The following LOXHD1 variants were observed in gnomAD, a reference collection of about 807,000 sequenced individuals.
LOXHD1 encodes the protein lipoxygenase homology PLAT domains 1.
Under a neutral mutation model 248.2 loss-of-function variants are expected in LOXHD1, and 205 were observed. The observed-to-expected ratio is 0.83, with a 90% CI of 0.74 to 0.93. LOXHD1 has a LOEUF of 0.93. LOXHD1 is among the 40% of genes least tolerant of loss of function. LOXHD1 has a pLI of 0.00. For missense variants in LOXHD1, 2,930 were observed against 2,971.6 expected, an observed-to-expected ratio of 0.99 and a Z score of 0.33; for synonymous variants, 1,113 against 1,162.8, an observed-to-expected ratio of 0.96 and a Z score of 0.87.
chr18:46,573,690 G>A (rs965871010), intron 14 of LOXHD1, among the ~76,000 whole-genome samples: 10 of 152,022 alleles, frequency 6.6e-5, no homozygotes, highest in Non-Finnish European at 1.5e-4. Flanking sequence ...TCTCCCCAAG[G>A]CTGACGGAGG....
intron 21 of LOXHD1, among the ~76,000 whole-genome samples, chr18:46,553,537 C>T (rs1218659537): frequency 1.3e-5 from 2 of 152,194 alleles, no homozygotes; most frequent in Non-Finnish European, 2.9e-5. Flanking sequence ...ATGAATAAAT[C>T]AACATATTAA....
intron 29 of LOXHD1, 23 bp downstream of exon 29, chr18:46,529,154 T>A: frequency 6.4e-7 from 1 of 1,550,434 alleles, no homozygotes; most frequent in Non-Finnish European, 8.7e-7. Flanking sequence ...GGAAGGAGGG[T>A]AAACTCCGTG....
intron 37 of LOXHD1, 83 bp downstream of exon 37, chr18:46,505,755 A>T (rs946243024): frequency 2.8e-6 from 4 of 1,426,860 alleles, no homozygotes; most frequent in Non-Finnish European, 3.8e-6. Context: ...ATCAGAGTCA[A>T]TGTGCTGCCA....
intron 38 of LOXHD1, 113 bp downstream of exon 38, chr18:46,488,859 C>G (rs2033256439): frequency 9.5e-6 from 11 of 1,153,616 alleles, no homozygotes; most frequent in Non-Finnish European, 1.2e-5. Context: ...TCATGCATAT[C>G]TCCATATTAT....
intron 12 of LOXHD1, among the ~76,000 whole-genome samples, chr18:46,582,961 A>G (rs1160513135): frequency 6.6e-6 from 1 of 152,170 alleles, no homozygotes; most frequent in African/African-American, 2.4e-5. Flanking sequence ...CTGGCCTATA[A>G]ATGAGGCAAA....
rs369297699 is a variant in LOXHD1 at position 46,577,716 on chromosome 18, G to A, written c.1961C>T (p.Pro654Leu). The A allele has an allele frequency of 2.6e-4, 403 of 1,551,040 alleles. 2 individuals carry two copies. The African/African-American group carries it at 4.0e-3, about 15-fold the overall frequency. The part of the protein sequence containing the change: ...GQPESDNVEF[P>L]CLRWLDKDKD... ...GGCAGGACGCATGTACCTGAGACAT[G>A]GGAACTCCACGTTGTCGCTCTCAGG... Residue 654 changes from proline (P) to leucine (L), a missense_variant, in exon 14 of 41, where the codon CCA becomes CTA. Physicochemically the swap from Pro to Leu is moderately conservative, Grantham distance 98. Transcript: ENST00000642948.
Position 46,579,658 on chromosome 18 carries a change from T to C in LOXHD1, c.1781A>G (p.Asn594Ser). Residue 594 changes from asparagine (N) to serine (S), a missense_variant, in exon 13 of 41, where the codon AAT becomes AGT. Coordinates refer to ENST00000642948, the MANE Select transcript of LOXHD1 (RefSeq NM_001384474.1). ...GCCCTTTTCAAACAGGTCTGTGTTA[T>C]TCCTGCAGTTGTAGAGCAGCCGTTC... ...TGERLLYNCR[N>S]NTDLFEKGNA... 6.4e-7 allele frequency: 1 copy of C among 1,551,732 alleles called. No individual in the cohort carries two copies. The highest frequency in any genetic ancestry group is 8.7e-7 in the Non-Finnish European group (1 of 1,147,004).
At chr18:46,507,967 A>G (rs1031315835) in intron 35 of LOXHD1, among the ~76,000 whole-genome samples, 3 of 152,200 alleles carry the variant, frequency 2.0e-5, no homozygotes, top group African/African-American at 7.2e-5. Context: ...CAATTCACCT[A>G]AAGCTGTGTC....
At chr18:46,574,713 C>T (rs978183989) in intron 14 of LOXHD1, among the ~76,000 whole-genome samples, 1 of 152,010 alleles carries the variant, frequency 6.6e-6, no homozygotes, top group Non-Finnish European at 1.5e-5. Context: ...GCCCAGCCAT[C>T]AGCATCATCA....
chr18:46,530,551 G>T (rs1304047816), intron 28 of LOXHD1, among the ~76,000 whole-genome samples: 1 of 152,164 alleles, frequency 6.6e-6, no homozygotes, highest in Non-Finnish European at 1.5e-5. Flanking sequence ...GGCCTCTACT[G>T]TGAGCCTCAG....
intron 13 of LOXHD1, among the ~76,000 whole-genome samples, chr18:46,578,759 G>T (rs1156420967): frequency 6.6e-6 from 1 of 152,232 alleles, no homozygotes; most frequent in Non-Finnish European, 1.5e-5. Context: ...CAACGACTCT[G>T]TACTCAGCAT....
At chr18:46,480,395 G>A (rs1429745687) in intron 40 of LOXHD1, among the ~76,000 whole-genome samples, 6 of 152,040 alleles carry the variant, frequency 3.9e-5, no homozygotes, top group Non-Finnish European at 5.9e-5. Context: ...TTACAAAACG[G>A]CATCACATAA....
At chr18:46,510,086 A>G (rs889921047) in intron 34 of LOXHD1, among the ~76,000 whole-genome samples, 2 of 152,236 alleles carry the variant, frequency 1.3e-5, no homozygotes, top group African/African-American at 4.8e-5. Flanking sequence ...GTCACCTAGA[A>G]TAGTCCTAGT....
intron 25 of LOXHD1, 63 bp downstream of exon 25, chr18:46,541,713 G>C: frequency 6.6e-7 from 1 of 1,521,886 alleles, no homozygotes; most frequent in East Asian, 2.5e-5. Context: ...AACTGGGGCT[G>C]AGTTGGGGTA....
intron 21 of LOXHD1, among the ~76,000 whole-genome samples, chr18:46,550,298 GCA>G (rs2037035083): frequency 6.6e-6 from 1 of 151,760 alleles, no homozygotes; most frequent in Non-Finnish European, 1.5e-5. Flanking sequence ...TGTGGGCCGG[GCA>G]CGGTGGCTCA....
rs764253114 is a variant in LOXHD1 at position 46,577,916 on chromosome 18, C to G, written c.1810-49G>C. On this transcript the variant is annotated intron_variant, in intron 13 of 40. Transcript: ENST00000642948. ...CAGTTAGACAGTGGCTACCCCAGGA[C>G]CCAAACACCAAGGGAAGACATAAGC... 1.9e-6 allele frequency: 3 copies of G among 1,542,862 alleles called. No homozygotes were observed. In the African/African-American group the frequency reaches 4.1e-5, roughly 21 times the overall value.
At chr18:46,520,196 C>A in intron 33 of LOXHD1, 1 of 456,300 alleles carries the variant, frequency 2.2e-6, no homozygotes. Context: ...AGGAGAGTGG[C>A]AGGCCCCCAC....
At chr18:46,627,477 G>A (rs560451511) in intron 4 of LOXHD1, among the ~76,000 whole-genome samples, 2 of 152,114 alleles carry the variant, frequency 1.3e-5, no homozygotes, top group African/African-American at 4.8e-5. Context: ...ATTTTCGTGT[G>A]TACAAAATGC....
chr18:46,569,414 G>A, intron 16 of LOXHD1, 28 bp downstream of exon 16: 1 of 1,541,730 alleles, frequency 6.5e-7, no homozygotes, highest in South Asian at 1.2e-5. Flanking sequence ...GTGGGATGAT[G>A]TCACATGGTC....
Sources: gnomAD v4.1 joint callset for allele counts (sites outside exome capture counted in the v4.1 genomes callset) on GRCh38, gnomAD v4.1.1 for gene constraint, MANE v1.5 for transcripts, NCBI Gene and HGNC (gene_info 2026-07-23, HGNC 2026-07-21) for gene names.